The following CSMD2 variants were observed in gnomAD, a reference collection of about 807,000 sequenced individuals.
CSMD2 encodes the protein CUB and sushi domain-containing protein 2.
CSMD2 carries 130 observed loss-of-function variants against 398.5 expected under a neutral mutation model. The observed-to-expected ratio is 0.33, with a 90% CI of 0.28 to 0.38. The LOEUF (loss-of-function observed/expected upper bound fraction) is 0.38, where lower values mean the gene tolerates loss of function less well. CSMD2 is among the 10% of genes least tolerant of loss of function. CSMD2 has a pLI of 1.00. For synonymous variants in CSMD2, 1,828 were observed against 1,908.5 expected, an observed-to-expected ratio of 0.96 and a Z score of 1.10; for missense variants, 3,829 against 4,764.9, an observed-to-expected ratio of 0.80 and a Z score of 5.78.
At position 33,793,380 on chromosome 1, in the gene CSMD2, T is replaced by C. The variant is rs111255422; in HGVS notation, c.1447-854A>G. On this transcript the variant is annotated intron_variant, in intron 10 of 70. Coordinates refer to ENST00000373381, the MANE Select transcript of CSMD2 (RefSeq NM_001281956.2). The stretch of plus-strand genomic sequence containing the variant: ...AGTCAGGTGCACAGGGCCTGAGCTA[T>C]GGCAGAGATGGAACATTCCAGAAGA... Among the ~76,000 whole-genome samples, 45 of 152,206 alleles carry C rather than the reference T, an allele frequency of 3.0e-4. No homozygotes were observed. In the Middle Eastern group the frequency reaches 0.014, roughly 46 times the overall value.
intron 57 of CSMD2, among the ~76,000 whole-genome samples, chr1:33,544,059 T>C (rs1393009821): frequency 6.6e-6 from 1 of 152,058 alleles, no homozygotes; most frequent in Non-Finnish European, 1.5e-5. Context: ...TCAGTTATCT[T>C]TGGTGGAATC....
At chr1:33,929,432 CTTTTTTTTT>C (rs936900076) in intron 4 of CSMD2, among the ~76,000 whole-genome samples, 1 of 100,648 alleles carries the variant, frequency 9.9e-6, no homozygotes. Flanking sequence ...CAAGCCTATA[CTTTTTTTTT>C]TTTTTTTTTT....
chr1:33,865,890 T>C (rs528415978), intron 5 of CSMD2, among the ~76,000 whole-genome samples: 2 of 152,332 alleles, frequency 1.3e-5, no homozygotes, highest in South Asian at 4.1e-4. Context: ...GGCAAGAATA[T>C]ACTGTAGGCA....
At chr1:33,807,519 CAAG>C (rs566802110) in intron 10 of CSMD2, among the ~76,000 whole-genome samples, 121 of 152,168 alleles carry the variant, frequency 8.0e-4, no homozygotes, top group African/African-American at 2.9e-3. Flanking sequence ...GACTGATATA[CAAG>C]AAGGAGTGGT....
At chr1:33,765,285 G>A (rs965761164) in intron 13 of CSMD2, among the ~76,000 whole-genome samples, 1 of 152,104 alleles carries the variant, frequency 6.6e-6, no homozygotes, top group Non-Finnish European at 1.5e-5. Context: ...AATAATTCAG[G>A]GAGGAAGGAG....
intron 3 of CSMD2, among the ~76,000 whole-genome samples, chr1:34,017,442 A>G (rs1260268540): frequency 6.6e-6 from 1 of 152,160 alleles, no homozygotes; most frequent in Non-Finnish European, 1.5e-5. Context: ...CTTGTGCTAG[A>G]GATACAATCC....
chr1:33,897,606 TGG>T (rs1642474707), intron 5 of CSMD2, among the ~76,000 whole-genome samples: 1 of 152,074 alleles, frequency 6.6e-6, no homozygotes, highest in African/African-American at 2.4e-5. Flanking sequence ...ACTGCTTCCG[TGG>T]GGAGCAACTG....
chr1:34,027,032 C>T (rs1227458842), intron 3 of CSMD2, among the ~76,000 whole-genome samples: 1 of 152,072 alleles, frequency 6.6e-6, no homozygotes, highest in Non-Finnish European at 1.5e-5. Flanking sequence ...GAAGCCTCTC[C>T]AAGCATGGCA....
At chr1:34,099,712 G>A (rs1292393149) in intron 1 of CSMD2, among the ~76,000 whole-genome samples, 1 of 152,238 alleles carries the variant, frequency 6.6e-6, no homozygotes, top group Non-Finnish European at 1.5e-5. Context: ...TCAATGTGGT[G>A]AACAGCACAG....
chr1:33,916,995 C>T (rs544066322), intron 5 of CSMD2, among the ~76,000 whole-genome samples: 1 of 152,246 alleles, frequency 6.6e-6, no homozygotes, highest in Non-Finnish European at 1.5e-5. Flanking sequence ...ACGTCTCTGT[C>T]TTCTCTGACT....
intron 3 of CSMD2, among the ~76,000 whole-genome samples, chr1:33,963,050 C>T (rs1645422309): frequency 6.6e-6 from 1 of 152,198 alleles, no homozygotes; most frequent in African/African-American, 2.4e-5. Context: ...GCAGGTGTCA[C>T]CTGCCTGAGA....
intron 3 of CSMD2, among the ~76,000 whole-genome samples, chr1:33,969,458 CAGAT>C (rs1338079937): frequency 7.9e-5 from 12 of 152,254 alleles, no homozygotes; most frequent in South Asian, 6.2e-4. Flanking sequence ...GATAGATAGA[CAGAT>C]AGATAGATAT....
Position 33,557,653 on chromosome 1 carries a change from C to CACAT in CSMD2, c.8743+80_8743+81insATGT, listed in dbSNP as rs1553139026. 2.1e-5 allele frequency: 24 copies of CACAT among 1,157,014 alleles called. 2 individuals are homozygous for CACAT. The highest frequency in any genetic ancestry group is 6.3e-5 in the Admixed American group (3 of 47,742). The allele number at this position is 1,157,014 out of a possible 1,614,324, so 71.7% of individuals were successfully genotyped here. A position where few individuals can be genotyped will look rare whatever the true frequency, so the allele number is the denominator to read the frequency against. ...ACACACACACACACACACACACACA[C>CACAT]ACACACATGCACAGAGGGGAGGACT... is the stretch of plus-strand genomic sequence containing the variant. On this transcript the variant is annotated intron_variant, in intron 55 of 70. Coordinates refer to ENST00000373381, the MANE Select transcript of CSMD2 (RefSeq NM_001281956.2).
chr1:33,646,964 C>T, intron 28 of CSMD2, 129 bp from the exon 29 acceptor site: 1 of 844,338 alleles, frequency 1.2e-6, no homozygotes, highest in Non-Finnish European at 1.8e-6. Flanking sequence ...TACCCAACCC[C>T]TGAAGACTGG....
At chr1:34,136,894 T>C (rs1231820828) in intron 1 of CSMD2, among the ~76,000 whole-genome samples, 2 of 152,096 alleles carry the variant, frequency 1.3e-5, no homozygotes, top group East Asian at 1.9e-4. Flanking sequence ...GGCTATAATC[T>C]CTATCAAGCC....
intron 3 of CSMD2, among the ~76,000 whole-genome samples, chr1:34,012,173 G>A (rs970513296): frequency 3.9e-5 from 6 of 152,002 alleles, no homozygotes; most frequent in South Asian, 2.1e-4. Context: ...CCATCCCCAC[G>A]AGCCACCCAG....
intron 3 of CSMD2, among the ~76,000 whole-genome samples, chr1:33,963,367 C>T (rs144712927): frequency 6.6e-6 from 1 of 152,246 alleles, no homozygotes; most frequent in Non-Finnish European, 1.5e-5. Context: ...GGCTCTCTTA[C>T]AGCCTTGTTG....
At chr1:33,547,985 T>C (rs1453549269) in intron 56 of CSMD2, among the ~76,000 whole-genome samples, 1 of 152,260 alleles carries the variant, frequency 6.6e-6, no homozygotes, top group African/African-American at 2.4e-5. Flanking sequence ...TCCCCCTTGC[T>C]GTTCTCGTGA....
chr1:34,021,803 C>T (rs1003882291), intron 3 of CSMD2, among the ~76,000 whole-genome samples: 6 of 152,152 alleles, frequency 3.9e-5, no homozygotes, highest in African/African-American at 1.4e-4. Context: ...GGTCAGAGAA[C>T]AGGTTGGAAT....
Sources: allele counts gnomAD v4.1 joint callset (sites outside exome capture counted in the v4.1 genomes callset), GRCh38; gene constraint gnomAD v4.1.1; transcripts MANE v1.5; gene names NCBI Gene and HGNC (gene_info 2026-07-23, HGNC 2026-07-21).